TPP2: variants seen among roughly 807,000 people sequenced by gnomAD.
TPP2 encodes the protein tripeptidyl peptidase 2.
In TPP2, 34 loss-of-function variants were observed where a neutral mutation model predicts 155.9. The ratio of observed to expected loss-of-function variants is 0.22; its 90% CI spans 0.17 to 0.29. The LOEUF (loss-of-function observed/expected upper bound fraction) is 0.29, where lower values mean the gene tolerates loss of function less well. Among genes scored for constraint, TPP2 ranks in the 10% least tolerant of loss-of-function variants. The pLI is 1.00. For synonymous variants in TPP2, 510 were observed against 529.4 expected, an observed-to-expected ratio of 0.96 and a Z score of 0.50; for missense variants, 1,028 against 1,522.3, an observed-to-expected ratio of 0.68 and a Z score of 5.40.
At position 102,649,635 on chromosome 13, in the gene TPP2, T is replaced by C. The variant is rs753774273; in HGVS notation, c.2952+149T>C. Reference sequence around the variant, plus strand: ...TAATCCTTTTTTCCCAGGTTACTAGTGAAAGTCAGTTAATATTTAGTTGTC... The same window carrying C: ...TAATCCTTTTTTCCCAGGTTACTAGCGAAAGTCAGTTAATATTTAGTTGTC... On this transcript the variant is annotated intron_variant, in intron 23 of 29. Transcript: ENST00000376052. 1.2e-4 allele frequency: 72 copies of C among 621,856 alleles called. No homozygotes were observed. In the Middle Eastern group the frequency reaches 1.4e-3, roughly 12 times the overall value. The allele number at this position is 621,856 out of a possible 1,614,324, so 38.5% of individuals were successfully genotyped here.
At position 102,607,590 on chromosome 13, in the gene TPP2, A is replaced by G. The variant is rs544077106; in HGVS notation, c.294+2669A>G. On this transcript the variant is annotated intron_variant, in intron 2 of 29. Coordinates refer to ENST00000376052, the MANE Select transcript of TPP2 (RefSeq NM_001330588.2). ...TAAAGTATTACTCGAGCATTTATTT[A>G]TTTATATTAATTTTGAGATGGAGTC... 91 of 409,724 alleles carry G rather than the reference A, an allele frequency of 2.2e-4. 4 individuals carry two copies. Among genetic ancestry groups the G allele is most frequent in the South Asian group, 1.6e-3 (90 of 57,488 alleles). 25.4% of individuals were successfully genotyped at this position (409,724 alleles called of 1,614,324 possible).
intron 15 of TPP2, among the ~76,000 whole-genome samples, chr13:102,638,571 C>T (rs1430491737): frequency 6.6e-6 from 1 of 152,208 alleles, no homozygotes; most frequent in African/African-American, 2.4e-5. Context: ...TCACTCTGAG[C>T]TCTGCATTGC....
intron 1 of TPP2, among the ~76,000 whole-genome samples, chr13:102,600,298 C>T (rs150591378): frequency 2.3e-4 from 35 of 152,264 alleles, no homozygotes; most frequent in African/African-American, 7.2e-4. Flanking sequence ...TTCTACCATC[C>T]GTCATCTGTA....
chr13:102,663,217 G>A (rs142156231), intron 25 of TPP2, among the ~76,000 whole-genome samples: 3,456 of 151,816 alleles, frequency 0.023, 60 homozygotes, highest in Non-Finnish European at 0.034. Context: ...GTTTGATCTC[G>A]GCTCACTGCA....
At chr13:102,634,659 A>G (rs1882253077) in intron 11 of TPP2, among the ~76,000 whole-genome samples, 1 of 152,044 alleles carries the variant, frequency 6.6e-6, no homozygotes, top group South Asian at 2.1e-4. Flanking sequence ...CCCACACCAC[A>G]GTTTCTTCTG....
rs766363017 is a variant in TPP2 at position 102,676,266 on chromosome 13, A to G, written c.3580-30A>G. 1.2e-5 allele frequency: 18 copies of G among 1,529,538 alleles called. 1 individual carries two copies. The South Asian group carries it at 2.1e-4, about 17-fold the overall frequency. The allele number at this position is 1,529,538 out of a possible 1,614,324, so 94.7% of individuals were successfully genotyped here. ...TGCCTTAAAATGTAAATTATTTTAT[A>G]AACAAGCTTTATCATGTTTTACATT... On this transcript the variant is annotated intron_variant, in intron 28 of 29. Transcript: ENST00000376052.
chr13:102,639,298 C>G (rs1366724286), intron 15 of TPP2, among the ~76,000 whole-genome samples: 3 of 152,110 alleles, frequency 2.0e-5, no homozygotes, highest in African/African-American at 7.2e-5. Flanking sequence ...TCTAAACTAA[C>G]AGTTCTGTTA....
At chr13:102,644,850 A>T in intron 18 of TPP2, 59 bp from the exon 19 acceptor site, 1 of 1,571,972 alleles carries the variant, frequency 6.4e-7, no homozygotes, top group South Asian at 1.1e-5. Context: ...TATTTTAGGT[A>T]CAAAATATTG....
At chr13:102,622,561 T>C (rs1019504106) in intron 5 of TPP2, among the ~76,000 whole-genome samples, 1 of 152,230 alleles carries the variant, frequency 6.6e-6, no homozygotes, top group South Asian at 2.1e-4. Context: ...GTCTGAACTA[T>C]CCTAAACTGC....
chr13:102,615,586 G>C (rs1283185641), intron 3 of TPP2, among the ~76,000 whole-genome samples: 1 of 152,116 alleles, frequency 6.6e-6, no homozygotes, highest in African/African-American at 2.4e-5. Context: ...GAAGATAAAG[G>C]TTAAAACCAA....
chr13:102,618,983 T>C, intron 5 of TPP2, 137 bp downstream of exon 5: 1 of 1,118,436 alleles, frequency 8.9e-7, no homozygotes, highest in Admixed American at 3.2e-5. Context: ...AGGGCCAAAT[T>C]GGCATCTGGG....
intron 2 of TPP2, among the ~76,000 whole-genome samples, chr13:102,611,806 T>C (rs1880349861): frequency 6.6e-6 from 1 of 152,262 alleles, no homozygotes; most frequent in African/African-American, 2.4e-5. Flanking sequence ...AGTGATTTTA[T>C]ATGCTTAGTT....
intron 25 of TPP2, among the ~76,000 whole-genome samples, chr13:102,662,172 T>C (rs1386639021): frequency 6.6e-6 from 1 of 152,174 alleles, no homozygotes; most frequent in Non-Finnish European, 1.5e-5. Context: ...GACCATGTAT[T>C]ATATGATTCT....
At chr13:102,610,135 T>G (rs757127546) in intron 2 of TPP2, among the ~76,000 whole-genome samples, 2 of 152,250 alleles carry the variant, frequency 1.3e-5, no homozygotes, top group African/African-American at 2.4e-5. Context: ...ACTAGTTGCA[T>G]CTCTGCAACT....
chr13:102,665,997 AAT>A (rs1436980135), intron 27 of TPP2, among the ~76,000 whole-genome samples: 3 of 152,226 alleles, frequency 2.0e-5, no homozygotes, highest in Non-Finnish European at 4.4e-5. Context: ...TTTTCAAAAG[AAT>A]AGTCTCAAAA....
At chr13:102,640,219 CTG>C in intron 15 of TPP2, 49 bp from the exon 16 acceptor site, 1 of 1,315,838 alleles carries the variant, frequency 7.6e-7, no homozygotes, top group Non-Finnish European at 1.1e-6. Flanking sequence ...TCTAGAGTAT[CTG>C]TGGTCTTATA....
intron 2 of TPP2, among the ~76,000 whole-genome samples, chr13:102,611,273 C>T (rs371173833): frequency 1.8e-4 from 28 of 152,332 alleles, no homozygotes; most frequent in African/African-American, 4.6e-4. Context: ...AGTAGAATTG[C>T]TGAATCATGG....
intron 15 of TPP2, 38 bp downstream of exon 15, chr13:102,638,353 A>G: frequency 3.8e-6 from 6 of 1,585,454 alleles, no homozygotes; most frequent in Middle Eastern, 1.7e-4. Context: ...TGGTACATCT[A>G]AGATTTTAAT....
intron 12 of TPP2, 79 bp from the exon 13 acceptor site, chr13:102,636,145 T>A: frequency 7.2e-7 from 1 of 1,396,356 alleles, no homozygotes; most frequent in Non-Finnish European, 9.6e-7. Flanking sequence ...ACAACTGAAA[T>A]CAAATTGATT....
Sources: gnomAD v4.1 joint callset for allele counts (sites outside exome capture counted in the v4.1 genomes callset) on GRCh38, gnomAD v4.1.1 for gene constraint, MANE v1.5 for transcripts, NCBI Gene and HGNC (gene_info 2026-07-23, HGNC 2026-07-21) for gene names.